PCDHA8: variants seen among roughly 807,000 people sequenced by gnomAD.
PCDHA8 encodes the protein protocadherin alpha 8.
Under a neutral mutation model 61.8 loss-of-function variants are expected in PCDHA8, and 53 were observed. The observed-to-expected ratio is 0.86, with a 90% CI of 0.69 to 1.08. PCDHA8 has a LOEUF of 1.08. Among genes scored for constraint, PCDHA8 ranks in the 50% least tolerant of loss-of-function variants. The probability of loss-of-function intolerance (pLI) is 0.00; values close to 1 mark genes in which losing one functional copy is unlikely to be tolerated. For missense variants in PCDHA8, 1,293 were observed against 1,245.0 expected (o/e 1.04, Z -0.58); for synonymous variants, 618 against 556.6 (o/e 1.11, Z -1.55).
intron 1 of PCDHA8, among the ~76,000 whole-genome samples, chr5:140,880,113 C>T (rs957295411): frequency 4.6e-5 from 7 of 152,220 alleles, no homozygotes; most frequent in Admixed American, 3.3e-4. Context: ...GAAGGATAGA[C>T]AACAGGAAGC....
chr5:140,884,818 T>C (rs1298208791), intron 1 of PCDHA8: 1 of 1,050,614 alleles, frequency 9.5e-7, no homozygotes, highest in Non-Finnish European at 1.3e-6. Context: ...CTGTGGACAT[T>C]ATGTGTTGGA....
At position 140,968,115 on chromosome 5, in the gene PCDHA8, C is replaced by T. The variant is rs199565711; in HGVS notation, c.2395-10834C>T. On this transcript the variant is annotated intron_variant, in intron 1 of 3. Coordinates refer to ENST00000531613, the MANE Select transcript of PCDHA8 (RefSeq NM_018911.3). ...ACAGATGGGGGAATACCGCAGCTCACATCCCTGCGTACACTGAAGGTTGAG... is the reference window on the plus strand; with the variant it reads ...ACAGATGGGGGAATACCGCAGCTCATATCCCTGCGTACACTGAAGGTTGAG... 8.7e-6 allele frequency: 14 copies of T among 1,614,068 alleles called. No individual in the cohort carries two copies. In the Admixed American group the frequency reaches 1.2e-4, roughly 13 times the overall value.
chr5:140,897,739 T>A (rs2066296532), intron 1 of PCDHA8, among the ~76,000 whole-genome samples: 1 of 152,176 alleles, frequency 6.6e-6, no homozygotes, highest in Admixed American at 6.5e-5. Flanking sequence ...GTATTTCTAG[T>A]TCTAGATCCC....
intron 1 of PCDHA8, chr5:140,966,378 G>A: frequency 2.5e-6 from 1 of 405,124 alleles, no homozygotes; most frequent in African/African-American, 2.1e-5. Flanking sequence ...AGCAGTCCGG[G>A]TTCGCTGTCC....
chr5:140,993,906 C>T (rs1245923228), intron 3 of PCDHA8, among the ~76,000 whole-genome samples: 1 of 152,088 alleles, frequency 6.6e-6, no homozygotes, highest in Non-Finnish European at 1.5e-5. Flanking sequence ...AACAAAAATG[C>T]CTAGTGATGC....
chr5:141,010,193 T>C lies in PCDHA8; in HGVS notation c.*256T>C, dbSNP rs782116962. Reference sequence around the variant, plus strand: ...CCTAAAAAGCAGACCCAAGTTTCCTTTCTCCTCCGCCGCAAAGGAGAGGCT... The same window carrying C: ...CCTAAAAAGCAGACCCAAGTTTCCTCTCTCCTCCGCCGCAAAGGAGAGGCT... On this transcript the variant is annotated 3_prime_UTR_variant, in exon 4 of 4. Transcript: ENST00000531613. 7.7e-6 allele frequency: 12 copies of C among 1,552,398 alleles called. No individual in the cohort carries two copies. The South Asian group carries it at 1.3e-4, about 17-fold the overall frequency.
chr5:140,926,702 G>C (rs2083474783), intron 1 of PCDHA8: 1 of 832,476 alleles, frequency 1.2e-6, no homozygotes, highest in South Asian at 2.8e-5. Context: ...CCGGCTCCCA[G>C]CTGGCCAGCC....
At chr5:140,986,044 G>A (rs1261726247) in intron 3 of PCDHA8, among the ~76,000 whole-genome samples, 4 of 152,078 alleles carry the variant, frequency 2.6e-5, no homozygotes, top group African/African-American at 9.7e-5. Flanking sequence ...TGGCCTCACT[G>A]ATGAATTCTT....
At chr5:140,882,950 C>A in intron 1 of PCDHA8, 1 of 1,614,216 alleles carries the variant, frequency 6.2e-7, no homozygotes, top group Non-Finnish European at 8.5e-7. Context: ...CACAGTTCAG[C>A]TGCTCATCAC....
chr5:140,845,861 C>T (rs1050084373), intron 1 of PCDHA8, among the ~76,000 whole-genome samples: 4 of 149,638 alleles, frequency 2.7e-5, no homozygotes, highest in Middle Eastern at 3.5e-3. Context: ...TTAGTGATTG[C>T]AGAAAGGCAA....
At chr5:140,960,436 G>C (rs2095548378) in intron 1 of PCDHA8, among the ~76,000 whole-genome samples, 1 of 152,180 alleles carries the variant, frequency 6.6e-6, no homozygotes. Context: ...TGATACTCTA[G>C]ATATATGTAT....
At chr5:141,000,361 GTCTC>G (rs148596731) in intron 3 of PCDHA8, among the ~76,000 whole-genome samples, 1,917 of 26,274 alleles carry the variant, frequency 0.073, 118 homozygotes, top group African/African-American at 0.11. Flanking sequence ...GTCTCTCTCT[GTCTC>G]TCTCTCTCTC....
Position 140,842,710 on chromosome 5 carries a change from C to A in PCDHA8, c.1389C>A (p.Phe463Leu). Residue 463 changes from phenylalanine to leucine, a missense_variant, in exon 1 of 4, where the codon TTC becomes TTA. Phe to Leu is a conservative substitution (Grantham distance 22). Coordinates refer to ENST00000531613, the MANE Select transcript of PCDHA8 (RefSeq NM_018911.3). ...PAFAQPEYTV[F>L]VKENNPPGCH... The stretch of plus-strand genomic sequence containing the variant: ...TCGCGCAGCCCGAGTACACGGTGTT[C>A]GTGAAGGAGAACAACCCGCCGGGCT... The A allele has an allele frequency of 1.3e-6, 2 of 1,595,124 alleles. No homozygotes were observed. The highest frequency in any genetic ancestry group is 1.7e-6 in the Non-Finnish European group (2 of 1,165,476).
intron 1 of PCDHA8, among the ~76,000 whole-genome samples, chr5:140,936,010 A>G (rs1470244912): frequency 6.6e-6 from 1 of 150,776 alleles, no homozygotes; most frequent in Non-Finnish European, 1.5e-5. Context: ...CTCCCACCTC[A>G]GCCTCCCGAG....
intron 1 of PCDHA8, among the ~76,000 whole-genome samples, chr5:140,907,278 A>G (rs558447183): frequency 2.6e-5 from 4 of 152,338 alleles, no homozygotes; most frequent in African/African-American, 7.2e-5. Context: ...CCATCATTCT[A>G]TCAATCCAGC....
At chr5:140,868,967 A>C (rs2050769969) in intron 1 of PCDHA8, 2 of 1,435,752 alleles carry the variant, frequency 1.4e-6, no homozygotes, top group South Asian at 1.4e-5. Flanking sequence ...ATACAAAGGA[A>C]CTCCATCATA....
chr5:140,936,714 C>G (rs2091106727), intron 1 of PCDHA8, among the ~76,000 whole-genome samples: 1 of 152,198 alleles, frequency 6.6e-6, no homozygotes, highest in African/African-American at 2.4e-5. Context: ...TGTGCCAATA[C>G]ATTCTGTGTT....
chr5:140,854,193 C>T (rs989719684), intron 1 of PCDHA8: 2 of 563,742 alleles, frequency 3.5e-6, no homozygotes, highest in African/African-American at 2.1e-5. Flanking sequence ...TTTAACTACT[C>T]CCTACTTTTT....
rs187442653 is a variant in PCDHA8 at position 140,926,080 on chromosome 5, C to T, written c.2395-52869C>T. ...TCCCCTCCTTGTCGTCTCTATTGCC[C>T]TCTTGGCAGCTCCTGGGATACAAGA... On this transcript the variant is annotated intron_variant, in intron 1 of 3. Transcript: ENST00000531613. Among the ~76,000 whole-genome samples, 179 of 152,334 alleles carry T rather than the reference C, an allele frequency of 1.2e-3. 1 individual carries two copies. Among genetic ancestry groups the T allele is most frequent in the African/African-American group, 3.9e-3 (162 of 41,574 alleles).
Sources: allele counts gnomAD v4.1 joint callset (sites outside exome capture counted in the v4.1 genomes callset), GRCh38; gene constraint gnomAD v4.1.1; transcripts MANE v1.5; gene names NCBI Gene and HGNC (gene_info 2026-07-23, HGNC 2026-07-21).